The following COX19 variants were observed in gnomAD, a reference collection of about 807,000 sequenced individuals.
COX19 encodes the protein cytochrome c oxidase assembly factor COX19.
COX19 carries 8 observed loss-of-function variants against 6.8 expected under a neutral mutation model. The observed-to-expected ratio is 1.18, with a 90% CI of 0.69 to 2.12. The LOEUF is 2.12. Ranked by LOEUF, COX19 falls within the 30% of genes most tolerant of loss-of-function variation. The pLI is 0.00. For missense variants in COX19, 131 were observed against 104.6 expected (o/e 1.25, Z -1.10); for synonymous variants, 51 against 38.0 (o/e 1.34, Z -1.26).
In COX19 at chr7:969,136, C is replaced by T. The variant is rs1442191939; in HGVS notation, c.*242G>A. On this transcript the variant is annotated 3_prime_UTR_variant, in exon 3 of 3. Transcript: ENST00000344111. ...GAAGACAAGGGTCTTGCCCCACGCT[C>T]GCCTCCCTCCCAGCTTTGCCGGGAA... The T allele has an allele frequency of 6.3e-6, 3 of 479,486 alleles. No individual in the cohort carries two copies. The highest frequency in any genetic ancestry group is 2.9e-5 in the South Asian group (1 of 34,604). 29.7% of individuals were successfully genotyped at this position (479,486 alleles called of 1,614,324 possible). A position where few individuals can be genotyped will look rare whatever the true frequency, so the allele number is the denominator to read the frequency against.
chr7:971,522 C>T (rs771215629), intron 2 of COX19, among the ~76,000 whole-genome samples: 2 of 151,950 alleles, frequency 1.3e-5, no homozygotes, highest in African/African-American at 2.4e-5. Flanking sequence ...GTCAAAATAA[C>T]TGACCTTATA....
At chr7:974,341 G>A (rs1057447824) in intron 1 of COX19, among the ~76,000 whole-genome samples, 11 of 151,388 alleles carry the variant, frequency 7.3e-5, no homozygotes, top group African/African-American at 2.7e-4. Flanking sequence ...AGACTCCCCT[G>A]AGTCCAGAAA....
Position 969,111 on chromosome 7 carries a change from G to T in COX19, c.*267C>A. 5.2e-6 allele frequency: 2 copies of T among 388,014 alleles called. No individual in the cohort carries two copies. The highest frequency in any genetic ancestry group is 9.4e-5 in the South Asian group (2 of 21,266). 24.0% of individuals were successfully genotyped at this position (388,014 alleles called of 1,614,324 possible). A position where few individuals can be genotyped will look rare whatever the true frequency, so the allele number is the denominator to read the frequency against. ...CCCCATACAAGAGGGCCCCGGCCTCGAAGACAAGGGTCTTGCCCCACGCTC... is the reference window on the plus strand; with the variant it reads ...CCCCATACAAGAGGGCCCCGGCCTCTAAGACAAGGGTCTTGCCCCACGCTC... On this transcript the variant is annotated 3_prime_UTR_variant, in exon 3 of 3. Coordinates refer to ENST00000344111, the MANE Select transcript of COX19 (RefSeq NM_001031617.3).
At chr7:973,910 G>A (rs375067916) in intron 1 of COX19, among the ~76,000 whole-genome samples, 56 of 146,822 alleles carry the variant, frequency 3.8e-4, no homozygotes, top group African/African-American at 1.3e-3. Flanking sequence ...AGGTTGCAGC[G>A]AGTCGAGATC....
Position 968,249 on chromosome 7 carries a change from C to A in COX19, c.*1129G>T, listed in dbSNP as rs1847587832. On this transcript the variant is annotated 3_prime_UTR_variant, in exon 3 of 3. Transcript: ENST00000344111. ...AACAGAGGGCCTTTGCTGCAGAGAA[C>A]TGGAGATGGGCTGAGAAGCCTCAGC... The A allele has an allele frequency of 6.6e-6, 1 of 152,362 alleles. No homozygotes were observed. Among genetic ancestry groups the A allele is most frequent in the Non-Finnish European group, 1.5e-5 (1 of 68,124 alleles). 9.4% of individuals were successfully genotyped at this position (152,362 alleles called of 1,614,324 possible). A position where few individuals can be genotyped will look rare whatever the true frequency, so the allele number is the denominator to read the frequency against.
chr7:974,570 G>A (rs1847678445), intron 1 of COX19, among the ~76,000 whole-genome samples: 1 of 152,168 alleles, frequency 6.6e-6, no homozygotes, highest in Non-Finnish European at 1.5e-5. Flanking sequence ...AGAGTTCAGG[G>A]TAAAAATTCT....
In COX19 at chr7:973,108, T is replaced by C. The variant is rs1042984512; in HGVS notation, c.194+73A>G. 5 of 977,136 alleles carry C rather than the reference T, an allele frequency of 5.1e-6. No homozygotes were observed. In the African/African-American group the frequency reaches 8.4e-5, roughly 16 times the overall value. The allele number at this position is 977,136 out of a possible 1,614,324, so 60.5% of individuals were successfully genotyped here. A position where few individuals can be genotyped will look rare whatever the true frequency, so the allele number is the denominator to read the frequency against. ...CAGGCCTGAAAAAGACACACTGTAA[T>C]GGCCTTTCAGGAAAAAAAAAGTTTT... On this transcript the variant is annotated intron_variant, in intron 2 of 2. Transcript: ENST00000344111.
chr7:965,703 C>G lies in COX19; in HGVS notation c.*3675G>C, dbSNP rs1322138104. Among the ~76,000 whole-genome samples the G allele has an allele frequency of 6.6e-6, 1 of 152,232 alleles. No homozygotes were observed. The highest frequency in any genetic ancestry group is 2.4e-5 in the African/African-American group (1 of 41,462). ...TCGCCCAGGCTGGAGTGTGGTGGCA[C>G]AATCCCTGCTCACTGCAACCTCTGC... On this transcript the variant is annotated 3_prime_UTR_variant, in exon 3 of 3. Coordinates refer to ENST00000344111, the MANE Select transcript of COX19 (RefSeq NM_001031617.3).
At chr7:973,682 C>T (rs1462797290) in intron 1 of COX19, among the ~76,000 whole-genome samples, 1 of 145,214 alleles carries the variant, frequency 6.9e-6, no homozygotes, top group Non-Finnish European at 1.5e-5. Flanking sequence ...AAAAATAATC[C>T]AGGCTGGGCA....
At chr7:969,543 C>CG in intron 2 of COX19, 87 bp from the exon 3 acceptor site, 1 of 859,334 alleles carries the variant, frequency 1.2e-6, no homozygotes, top group South Asian at 1.4e-5. Context: ...CAGCGCACAC[C>CG]GGGGGTCCTG....
In COX19 at chr7:973,293, C is replaced by T. The variant is rs1439390777; in HGVS notation, c.83-1G>A. 1.2e-5 allele frequency: 19 copies of T among 1,581,438 alleles called. No homozygotes were observed. The highest frequency in any genetic ancestry group is 1.5e-5 in the Non-Finnish European group (18 of 1,165,936). ...TTCTCTTTAAAGCTTTTACATTCAC[C>T]TAGAACGAGAAAGAAAACAGCATGT... On this transcript the variant is annotated splice_acceptor_variant, in intron 1 of 2. Coordinates refer to ENST00000344111, the MANE Select transcript of COX19 (RefSeq NM_001031617.3). LOFTEE classifies it high-confidence loss of function.
chr7:975,421 C>G lies in COX19; in HGVS notation c.82+7G>C. 1 of 1,585,210 alleles carries G rather than the reference C, an allele frequency of 6.3e-7. No individual in the cohort carries two copies. Among genetic ancestry groups the G allele is most frequent in the Non-Finnish European group, 8.6e-7 (1 of 1,167,484 alleles). On this transcript the variant is annotated splice_region_variant and intron_variant, in intron 1 of 2. Coordinates refer to ENST00000344111, the MANE Select transcript of COX19 (RefSeq NM_001031617.3). ...AGACCCCTGCCCGCCGACCTTCCGC[C>G]GCTCACCTAAGTGATCCAGCGGGAA...
chr7:972,491 G>A (rs773918618), intron 2 of COX19, among the ~76,000 whole-genome samples: 11 of 152,232 alleles, frequency 7.2e-5, no homozygotes, highest in Non-Finnish European at 1.6e-4. Flanking sequence ...CACAGACACA[G>A]CTGTCTGAAG....
chr7:974,576 AT>A (rs1847678519), intron 1 of COX19, among the ~76,000 whole-genome samples: 3 of 152,198 alleles, frequency 2.0e-5, no homozygotes, highest in Admixed American at 1.3e-4. Context: ...CAGGGTAAAA[AT>A]TCTTTCATTT....
chr7:971,686 A>G (rs1847637425), intron 2 of COX19, among the ~76,000 whole-genome samples: 1 of 152,120 alleles, frequency 6.6e-6, no homozygotes, highest in African/African-American at 2.4e-5. Flanking sequence ...CCTGGCTAAC[A>G]CGGTGAAACC....
chr7:972,063 T>C lies in COX19; in HGVS notation c.194+1118A>G, dbSNP rs1046481944. Among the ~76,000 whole-genome samples, 16 of 152,138 alleles carry C rather than the reference T, an allele frequency of 1.1e-4. 1 individual carries two copies. In the East Asian group the frequency reaches 2.7e-3, roughly 26 times the overall value. ...CAGGAGGCCTGCTCACACCCTCACA[T>C]GAACACAGCTCAATTCACACCGTCT... is the stretch of plus-strand genomic sequence containing the variant. On this transcript the variant is annotated intron_variant, in intron 2 of 2. Transcript: ENST00000344111.
At position 975,436 on chromosome 7, in the gene COX19, T is replaced by C. The variant is rs1203161596; in HGVS notation, c.74A>G (p.Asp25Gly). The C allele has an allele frequency of 6.3e-7, 1 of 1,595,172 alleles. No homozygotes were observed. Among genetic ancestry groups the C allele is most frequent in the South Asian group, 1.1e-5 (1 of 88,528 alleles). Residue 25 changes from aspartate (D) to glycine (G), a missense_variant, in exon 1 of 3, where the codon GAT (aspartate) becomes GGT (glycine). Physicochemically the swap from Asp to Gly is moderately conservative, Grantham distance 94 (BLOSUM62 -1). Transcript: ENST00000344111. ...GACCTTCCGCCGCTCACCTAAGTGATCCAGCGGGAAGCTGCCCTTGTCCGG... is the reference window on the plus strand; with the variant it reads ...GACCTTCCGCCGCTCACCTAAGTGACCCAGCGGGAAGCTGCCCTTGTCCGG... ...RPPDKGSFPL[D>G]HLGECKSFKE...
rs1371849230 is a variant in COX19, at chr7:967,022, G to A, written c.*2356C>T. 3 of 152,236 alleles carry A rather than the reference G, an allele frequency of 2.0e-5. No homozygotes were observed. Among genetic ancestry groups the A allele is most frequent in the African/African-American group, 7.2e-5 (3 of 41,450 alleles). The allele number at this position is 152,236 out of a possible 1,614,324, so 9.4% of individuals were successfully genotyped here. On this transcript the variant is annotated 3_prime_UTR_variant, in exon 3 of 3. Coordinates refer to ENST00000344111, the MANE Select transcript of COX19 (RefSeq NM_001031617.3). ...ATGCTGGCGACTCAGACACACCAGAGAAGCTGCCAAGCGCTTCCTTTAAGG... is the reference window on the plus strand; with the variant it reads ...ATGCTGGCGACTCAGACACACCAGAAAAGCTGCCAAGCGCTTCCTTTAAGG...
chr7:970,439 ATTTTTTTT>A (rs1171573366), intron 2 of COX19, among the ~76,000 whole-genome samples: 1 of 121,242 alleles, frequency 8.2e-6, no homozygotes, highest in South Asian at 2.6e-4. Context: ...CGGCCAGCTA[ATTTTTTTT>A]TTTTTTTTTT....
Sources: allele counts gnomAD v4.1 joint callset (sites outside exome capture counted in the v4.1 genomes callset), GRCh38; gene constraint gnomAD v4.1.1; transcripts MANE v1.5; gene names NCBI Gene and HGNC (gene_info 2026-07-23, HGNC 2026-07-21).